RALB: variants seen among roughly 807,000 people sequenced by gnomAD.
The protein encoded by RALB is ras-related protein Ral-B.
A neutral mutation model predicts 21.3 loss-of-function variants in RALB; 16 were observed. The observed-to-expected ratio is 0.75, with a 90% CI of 0.51 to 1.14. The LOEUF (loss-of-function observed/expected upper bound fraction) is 1.14. RALB is among the 50% of genes most tolerant of loss of function. The pLI is 0.00. For synonymous variants in RALB, 93 were observed against 96.1 expected (o/e 0.97, Z 0.19); for missense variants, 161 against 256.2 (o/e 0.63, Z 2.54).
At chr2:120,278,036 C>CAT (rs1553523674) in intron 1 of RALB, among the ~76,000 whole-genome samples, 2 of 142,584 alleles carry the variant, frequency 1.4e-5, no homozygotes, top group African/African-American at 5.2e-5. Context: ...AATGTGAGAG[C>CAT]GTGAGTGTGT....
chr2:120,264,605 A>G (rs902291879), intron 1 of RALB, among the ~76,000 whole-genome samples: 1 of 152,236 alleles, frequency 6.6e-6, no homozygotes, highest in Admixed American at 6.5e-5. Flanking sequence ...TAAAATGTAC[A>G]TAAGATAAAA....
At chr2:120,252,842 C>CG (rs1034784570), upstream of RALB, 9 of 985,450 alleles carry the variant, frequency 9.1e-6, no homozygotes, top group Middle Eastern at 5.2e-4. Context: ...GAGGCGCGCT[C>CG]GGGGGGTGGG....
At position 120,253,321 on chromosome 2, in the gene RALB, T is replaced by G. The variant is rs993433703; in HGVS notation, c.-48+341T>G. The G allele has an allele frequency of 5.5e-6, 5 of 903,198 alleles. No individual in the cohort carries two copies. The African/African-American group carries it at 7.2e-5, about 13-fold the overall frequency. The allele number at this position is 903,198 out of a possible 1,614,324, so 55.9% of individuals were successfully genotyped here. ...GGCCTCCCGCTCGGGACCGTCCACTTCCTCAGTCCTCCGGCCGCGGCTTGG... is the reference window on the plus strand; with the variant it reads ...GGCCTCCCGCTCGGGACCGTCCACTGCCTCAGTCCTCCGGCCGCGGCTTGG... On this transcript the variant is annotated intron_variant, in intron 1 of 4. Transcript: ENST00000272519.
In RALB at chr2:120,277,900, C is replaced by T. The variant is rs556177140; in HGVS notation, c.-47-718C>T. On this transcript the variant is annotated intron_variant, in intron 1 of 4. Transcript: ENST00000272519. ...ACATGAGTGTGAAAATGAGTGTGAGCGTGTGTGTGAATGTGAGTTAATGTG... is the reference window on the plus strand; with the variant it reads ...ACATGAGTGTGAAAATGAGTGTGAGTGTGTGTGTGAATGTGAGTTAATGTG... Among the ~76,000 whole-genome samples, 219 of 148,394 alleles carry T rather than the reference C, an allele frequency of 1.5e-3. 1 individual carries two copies. The highest frequency in any genetic ancestry group is 2.8e-3 in the Non-Finnish European group (188 of 67,274).
intron 4 of RALB, among the ~76,000 whole-genome samples, chr2:120,292,685 T>A (rs1325286314): frequency 6.6e-6 from 1 of 152,186 alleles, no homozygotes; most frequent in Non-Finnish European, 1.5e-5. Flanking sequence ...CCGGGTGCAG[T>A]GGCTGACGCC....
At chr2:120,260,498 C>T (rs574254751) in intron 1 of RALB, among the ~76,000 whole-genome samples, 21 of 152,194 alleles carry the variant, frequency 1.4e-4, no homozygotes, top group Non-Finnish European at 2.5e-4. Context: ...TCCTCAGGTT[C>T]GTAAGTTGTC....
upstream of RALB, chr2:120,252,609 G>A (rs898674633): frequency 1.0e-4 from 20 of 191,182 alleles, no homozygotes; most frequent in Non-Finnish European, 1.9e-4. Context: ...CGTGTCCGAG[G>A]GGCAGAGAGA....
intron 1 of RALB, among the ~76,000 whole-genome samples, chr2:120,255,810 A>C (rs1011394652): frequency 1.3e-5 from 2 of 152,120 alleles, no homozygotes; most frequent in African/African-American, 4.8e-5. Flanking sequence ...GTTGTTTTTT[A>C]GTTGAAATCT....
At chr2:120,288,169 T>C (rs910397901) in intron 3 of RALB, among the ~76,000 whole-genome samples, 6 of 152,162 alleles carry the variant, frequency 3.9e-5, no homozygotes, top group Admixed American at 3.3e-4. Context: ...GTTTTTATTG[T>C]TCATAGTTTA....
chr2:120,266,921 C>T (rs1340916233), intron 1 of RALB, among the ~76,000 whole-genome samples: 1 of 152,084 alleles, frequency 6.6e-6, no homozygotes, highest in African/African-American at 2.4e-5. Context: ...ACGACTTTCC[C>T]TAAGTGAAAT....
intron 1 of RALB, among the ~76,000 whole-genome samples, chr2:120,274,518 C>G (rs938355593): frequency 4.6e-5 from 7 of 152,036 alleles, no homozygotes; most frequent in African/African-American, 1.2e-4. Context: ...TATGTTCAGT[C>G]TGTGCTGTTT....
intron 2 of RALB, among the ~76,000 whole-genome samples, chr2:120,282,611 T>G (rs1358014906): frequency 1.3e-5 from 2 of 151,230 alleles, no homozygotes; most frequent in East Asian, 3.9e-4. Flanking sequence ...ATGCAGAAGA[T>G]TCGAGAGTTT....
At chr2:120,242,307 G>C (rs1014583582) in intron 1 of RALB, among the ~76,000 whole-genome samples, 4 of 152,228 alleles carry the variant, frequency 2.6e-5, no homozygotes, top group African/African-American at 4.8e-5. Flanking sequence ...TAGACTTCTA[G>C]GGATGGATGG....
chr2:120,247,121 G>C (rs953685811), intron 1 of RALB, among the ~76,000 whole-genome samples: 6 of 152,192 alleles, frequency 3.9e-5, no homozygotes, highest in Admixed American at 3.9e-4. Flanking sequence ...TCCCGTGCAG[G>C]TTGTGGGAAG....
At chr2:120,240,345 C>T (rs540772587) in intron 1 of RALB, among the ~76,000 whole-genome samples, 10 of 150,844 alleles carry the variant, frequency 6.6e-5, no homozygotes, top group Non-Finnish European at 1.0e-4. Flanking sequence ...AGTGCAGTGG[C>T]GTGATCTTGG....
At chr2:120,278,352 G>A (rs962661846) in intron 1 of RALB, among the ~76,000 whole-genome samples, 3 of 151,954 alleles carry the variant, frequency 2.0e-5, no homozygotes, top group Non-Finnish European at 4.4e-5. Context: ...TGGTGACTGG[G>A]TGTCCTCTCC....
chr2:120,253,055 A>G, intron 1 of RALB, 75 bp downstream of exon 1: 1 of 891,778 alleles, frequency 1.1e-6, no homozygotes, highest in Non-Finnish European at 1.3e-6. Context: ...GCACGCCCGC[A>G]GCCTCTTGCT....
At chr2:120,262,896 G>A (rs145171243) in intron 1 of RALB, among the ~76,000 whole-genome samples, 1 of 152,264 alleles carries the variant, frequency 6.6e-6, no homozygotes, top group Non-Finnish European at 1.5e-5. Context: ...CCTTTGGTAC[G>A]CGTTTTCCAC....
chr2:120,265,203 A>G (rs1689472782), intron 1 of RALB, among the ~76,000 whole-genome samples: 1 of 152,258 alleles, frequency 6.6e-6, no homozygotes. Context: ...ACAAGCCTAG[A>G]TGGTGTAGCT....
Sources: gnomAD v4.1 joint callset for allele counts (sites outside exome capture counted in the v4.1 genomes callset) on GRCh38, gnomAD v4.1.1 for gene constraint, MANE v1.5 for transcripts, NCBI Gene and HGNC (gene_info 2026-07-23, HGNC 2026-07-21) for gene names.